Variants in ADARB1 observed in about 807,000 individuals in gnomAD.
The protein encoded by ADARB1 is adenosine deaminase RNA specific B1.
In ADARB1, 10 loss-of-function variants were observed where a neutral mutation model predicts 52.4. The observed-to-expected ratio is 0.19, with a 90% CI of 0.12 to 0.32. The LOEUF is 0.32. ADARB1 is among the 10% of genes least tolerant of loss of function. The pLI is 1.00. For synonymous variants in ADARB1, 349 were observed against 371.1 expected (o/e 0.94, Z 0.68); for missense variants, 643 against 922.3 (o/e 0.70, Z 3.92).
At chr21:45,143,962 C>A (rs1555897044) in intron 2 of ADARB1, among the ~76,000 whole-genome samples, 1 of 151,880 alleles carries the variant, frequency 6.6e-6, no homozygotes, top group African/African-American at 2.4e-5. Flanking sequence ...TTTTTTTTTC[C>A]TTATTAGAAC....
intron 9 of ADARB1, among the ~76,000 whole-genome samples, chr21:45,209,008 G>T (rs559410981): frequency 4.6e-5 from 7 of 152,218 alleles, no homozygotes; most frequent in Admixed American, 6.5e-5. Context: ...CGACTGGTGG[G>T]AAGTTCTAAA....
rs372954828 is a variant in ADARB1, at chr21:45,204,618, G to A, written c.1629G>A (p.Ser543=). The change falls in exon 9 of 11, where the codon TCG becomes TCA. Residue 543 remains serine (S), a synonymous_variant. Coordinates refer to ENST00000348831, the MANE Select transcript of ADARB1 (RefSeq NM_001112.4). The surrounding 1 kb of genome is among the most constrained non-coding windows in gnomAD (Gnocchi z 4.4). ...LSIFVEPIYF[S]SIILGSLYHG... ...TTTTCGTGGAGCCCATTTACTTCTC[G>A]AGCATCATCCTGGGCAGCCTTTACC... is the stretch of plus-strand genomic sequence containing the variant. 2.7e-5 allele frequency: 44 copies of A among 1,614,000 alleles called. No individual in the cohort carries two copies. The highest frequency in any genetic ancestry group is 9.3e-5 in the African/African-American group (7 of 74,890).
intron 2 of ADARB1, among the ~76,000 whole-genome samples, chr21:45,149,939 C>G (rs1169921390): frequency 1.3e-5 from 2 of 152,174 alleles, no homozygotes; most frequent in Admixed American, 1.3e-4. Flanking sequence ...TACTCTTTGC[C>G]CCTTTACAGA....
intron 1 of ADARB1, among the ~76,000 whole-genome samples, chr21:45,098,930 ATTC>A (rs1034123781): frequency 2.0e-5 from 3 of 152,200 alleles, no homozygotes; most frequent in Admixed American, 1.3e-4. Flanking sequence ...GGGTCAGGTT[ATTC>A]TTAGTATTCT....
At chr21:45,187,809 G>GT (rs2092157316) in intron 8 of ADARB1, among the ~76,000 whole-genome samples, 1 of 152,150 alleles carries the variant, frequency 6.6e-6, no homozygotes, top group South Asian at 2.1e-4. Context: ...TTAATGTAAT[G>GT]TATTAATTGA....
rs763278251 is a variant in ADARB1 at position 45,222,245 on chromosome 21, T to A, written c.*48T>A. The stretch of plus-strand genomic sequence containing the variant: ...TGCAGGGGGCTGTGGGCATCCAGCG[T>A]CATCCTCCAGAACCTCACATCTGAA... On this transcript the variant is annotated 3_prime_UTR_variant, in exon 11 of 11. Coordinates refer to ENST00000348831, the MANE Select transcript of ADARB1 (RefSeq NM_001112.4). The A allele has an allele frequency of 6.7e-7, 1 of 1,494,928 alleles. No individual in the cohort carries two copies. The highest frequency in any genetic ancestry group is 2.4e-5 in the East Asian group (1 of 41,862). 92.6% of individuals were successfully genotyped at this position (1,494,928 alleles called of 1,614,324 possible). A position where few individuals can be genotyped will look rare whatever the true frequency, so the allele number is the denominator to read the frequency against.
intron 2 of ADARB1, among the ~76,000 whole-genome samples, chr21:45,153,763 G>T (rs562841387): frequency 6.6e-6 from 1 of 152,316 alleles, no homozygotes; most frequent in East Asian, 1.9e-4. Flanking sequence ...TGTGTCCAGG[G>T]CTGGGGATGC....
At chr21:45,125,943 T>C (rs1237474100) in intron 1 of ADARB1, among the ~76,000 whole-genome samples, 1 of 152,262 alleles carries the variant, frequency 6.6e-6, no homozygotes, top group Non-Finnish European at 1.5e-5. Context: ...TATTCTAGCT[T>C]GAGCACCGAG....
intron 2 of ADARB1, among the ~76,000 whole-genome samples, chr21:45,167,506 C>T (rs1601727085): frequency 1.3e-5 from 2 of 152,248 alleles, no homozygotes; most frequent in South Asian, 4.1e-4. Flanking sequence ...AATCCCAGCA[C>T]TTTGGAGGTC....
intron 2 of ADARB1, among the ~76,000 whole-genome samples, chr21:45,147,628 C>CG (rs552743141): frequency 1.0e-3 from 157 of 152,326 alleles, no homozygotes; most frequent in Middle Eastern, 0.01. Flanking sequence ...GCCAGGCCCC[C>CG]GGGGGTGCAC....
intron 8 of ADARB1, among the ~76,000 whole-genome samples, chr21:45,191,880 A>ATATATATATTTT (rs1601874792): frequency 6.4e-5 from 1 of 15,746 alleles, no homozygotes; most frequent in African/African-American, 1.7e-4. Flanking sequence ...ATATATATAT[A>ATATATATATTTT]TTTTTTTTTT....
intron 2 of ADARB1, among the ~76,000 whole-genome samples, chr21:45,160,779 C>G (rs2090922472): frequency 6.6e-6 from 1 of 152,142 alleles, no homozygotes. Context: ...GGTTTTACTC[C>G]TTTTTTGTTC....
chr21:45,133,680 G>C (rs2089100109), intron 2 of ADARB1: 1 of 283,814 alleles, frequency 3.5e-6, no homozygotes, highest in Non-Finnish European at 6.9e-6. Context: ...GTACCTGAAA[G>C]AGGTGTGTGC....
intron 8 of ADARB1, among the ~76,000 whole-genome samples, chr21:45,190,668 T>C (rs1297872793): frequency 1.3e-5 from 2 of 152,264 alleles, no homozygotes; most frequent in African/African-American, 2.4e-5. Flanking sequence ...GATTTCCTGC[T>C]TCTCCTGGTG....
rs1331865439 is a variant in ADARB1 at position 45,074,669 on chromosome 21, C to T, written c.-344C>T. On this transcript the variant is annotated 5_prime_UTR_variant, in exon 1 of 11. Transcript: ENST00000348831. The stretch of plus-strand genomic sequence containing the variant: ...TTGGCGGCCGGGGCTCCGGGCCGCG[C>T]GAGGCCACGGCCACGCCGCGCCGCT... 2 of 142,672 alleles carry T rather than the reference C, an allele frequency of 1.4e-5. No individual in the cohort carries two copies. The highest frequency in any genetic ancestry group is 4.9e-5 in the African/African-American group (2 of 40,450). 8.8% of individuals were successfully genotyped at this position (142,672 alleles called of 1,614,324 possible).
At chr21:45,202,201 G>C (rs1200701985) in intron 8 of ADARB1, among the ~76,000 whole-genome samples, 2 of 152,146 alleles carry the variant, frequency 1.3e-5, no homozygotes, top group Non-Finnish European at 2.9e-5. Context: ...AGGCAGGGGG[G>C]CATGACTTGA....
chr21:45,214,172 A>T (rs901452375), intron 9 of ADARB1, among the ~76,000 whole-genome samples: 1 of 152,208 alleles, frequency 6.6e-6, no homozygotes, highest in Non-Finnish European at 1.5e-5. Flanking sequence ...CTGATTTGCC[A>T]TCCCTGTGCC....
intron 1 of ADARB1, among the ~76,000 whole-genome samples, chr21:45,093,461 G>A (rs912063631): frequency 6.6e-6 from 1 of 152,226 alleles, no homozygotes; most frequent in Admixed American, 6.5e-5. Flanking sequence ...GGCTTTCTGT[G>A]GGTGCCGAGC....
intron 1 of ADARB1, among the ~76,000 whole-genome samples, chr21:45,115,213 TG>T (rs1243134362): frequency 6.6e-6 from 1 of 152,230 alleles, no homozygotes; most frequent in Non-Finnish European, 1.5e-5. Context: ...CATTGGTTGG[TG>T]GGCATGAGGA....
Sources: allele counts gnomAD v4.1 joint callset (sites outside exome capture counted in the v4.1 genomes callset), GRCh38; gene constraint gnomAD v4.1.1; non-coding constraint Gnocchi (gnomAD v3.1); transcripts MANE v1.5; gene names NCBI Gene and HGNC (gene_info 2026-07-23, HGNC 2026-07-21).